The following MAMDC4 variants were observed in gnomAD, a reference collection of about 807,000 sequenced individuals.
MAMDC4 encodes MAM domain containing 4.
In MAMDC4, 168 loss-of-function variants were observed where a neutral mutation model predicts 153.3. The observed-to-expected ratio is 1.10, with a 90% CI of 0.97 to 1.25. The LOEUF is 1.25. MAMDC4 is among the 50% of genes most tolerant of loss of function. The probability of loss-of-function intolerance (pLI) is 0.00; values close to 1 mark genes in which losing one functional copy is unlikely to be tolerated. For synonymous variants in MAMDC4, 744 were observed against 651.5 expected, an observed-to-expected ratio of 1.14 and a Z score of -2.16; for missense variants, 1,701 against 1,542.8, an observed-to-expected ratio of 1.10 and a Z score of -1.72.
In MAMDC4 at chr9:136,856,045, G is replaced by A. The variant is rs766739438; in HGVS notation, c.1616G>A (p.Trp539Ter). The change falls in exon 14 of 27, where the codon TGG becomes TAG. Residue 539 changes from tryptophan to a stop codon, truncating the protein, a stop_gained. Transcript: ENST00000317446. LOFTEE classifies it high-confidence loss of function. ...CACTTCCTGTCTCTGCAGCGGGCCT[G>A]GGGGCAGCTAGGCGCTGAGGCCCGG... ...AGHFLSLQRA[W>*]GQLGAEARVL... is the part of the protein sequence containing the mutation. 2.5e-6 allele frequency: 4 copies of A among 1,612,010 alleles called. No individual in the cohort carries two copies. In the South Asian group the frequency reaches 3.3e-5, roughly 13 times the overall value.
chr9:136,853,390 G>A lies in MAMDC4; in HGVS notation c.260G>A (p.Arg87Gln), dbSNP rs780100454. Reference protein sequence around the residue: ...DISTSGYSWLRDRAGAALEGP... With the variant: ...DISTSGYSWLQDRAGAALEGP... ...AGTACCTCAGGCTACAGCTGGCTCC[G>A]AGACAGGGCAGGGGCCGCACTGGAG... is the stretch of plus-strand genomic sequence containing the variant. The change falls in exon 3 of 27, where the codon CGA becomes CAA. Residue 87 changes from arginine (R) to glutamine (Q), a missense_variant. By Grantham distance (43) the Arg-to-Gln change is conservative. Coordinates refer to ENST00000317446, the MANE Select transcript of MAMDC4 (RefSeq NM_206920.3). The A allele has an allele frequency of 2.6e-5, 41 of 1,605,702 alleles. No homozygotes were observed. Among genetic ancestry groups the A allele is most frequent in the Admixed American group, 3.3e-5 (2 of 59,774 alleles).
At position 136,859,289 on chromosome 9, in the gene MAMDC4, G is replaced by C. The variant is rs1172686664; in HGVS notation, c.3165G>C (p.Gln1055His). Residue 1055 changes from glutamine to histidine, a missense_variant, in exon 25 of 27, where the codon CAG becomes CAC. Transcript: ENST00000317446. ...ALDDVEYLAG[Q>H]HCQQPAPSPG... ...ATGACGTGGAGTATCTGGCTGGGCA[G>C]CATTGCCAGCAGCCTGCCCCCAGCC... 6.2e-7 allele frequency: 1 copy of C among 1,611,524 alleles called. No individual in the cohort carries two copies. Among genetic ancestry groups the C allele is most frequent in the Non-Finnish European group, 8.5e-7 (1 of 1,179,364 alleles).
rs1279053707 is a variant in MAMDC4, at chr9:136,857,646, C to T, written c.2327-13C>T. On this transcript the variant is annotated splice_polypyrimidine_tract_variant and intron_variant, in intron 18 of 26. Coordinates refer to ENST00000317446, the MANE Select transcript of MAMDC4 (RefSeq NM_206920.3). ...CTGGCCAGGGGCTGGCAGGCTGATG[C>T]TGGCACCTCCAGGGCACTACATGGT... is the stretch of plus-strand genomic sequence containing the variant. 30 of 1,612,348 alleles carry T rather than the reference C, an allele frequency of 1.9e-5. No individual in the cohort carries two copies. The highest frequency in any genetic ancestry group is 2.5e-5 in the Non-Finnish European group (30 of 1,179,828).
Position 136,855,817 on chromosome 9 carries a change from G to A in MAMDC4, c.1557G>A (p.Gln519=), listed in dbSNP as rs1215382725. 2.0e-6 allele frequency: 3 copies of A among 1,531,736 alleles called. No individual in the cohort carries two copies. The African/African-American group carries it at 4.1e-5, about 21-fold the overall frequency. 94.9% of individuals were successfully genotyped at this position (1,531,736 alleles called of 1,614,324 possible). The change falls in exon 13 of 27, where the codon CAG becomes CAA. Residue 519 remains glutamine, a synonymous_variant. Transcript: ENST00000317446. The part of the protein sequence containing the change: ...GRLQWRRVSA[Q]ESQGSSAAAA... ...TGCAGTGGCGGCGTGTCTCAGCCCAGGAGAGCCAGGGGTCCAGTGCAGCTG... is the reference window on the plus strand; with the variant it reads ...TGCAGTGGCGGCGTGTCTCAGCCCAAGAGAGCCAGGGGTCCAGTGCAGCTG...
chr9:136,859,608 A>T, intron 25 of MAMDC4: 1 of 591,876 alleles, frequency 1.7e-6, no homozygotes. Flanking sequence ...TCCATCCTGG[A>T]GGAACCGCCA....
chr9:136,854,876 C>T lies in MAMDC4; in HGVS notation c.1023+26C>T, dbSNP rs1329276761. 2.5e-6 allele frequency: 4 copies of T among 1,612,472 alleles called. No individual in the cohort carries two copies. In the African/African-American group the frequency reaches 4.0e-5, roughly 16 times the overall value. On this transcript the variant is annotated intron_variant, in intron 9 of 26. Coordinates refer to ENST00000317446, the MANE Select transcript of MAMDC4 (RefSeq NM_206920.3). ...GTGAGATGGGTGGGGCTCACAGGGCCTCCCTGCTCTCCGTGCTGGCTGCCC... is the reference window on the plus strand; with the variant it reads ...GTGAGATGGGTGGGGCTCACAGGGCTTCCCTGCTCTCCGTGCTGGCTGCCC...
In MAMDC4 at chr9:136,860,594, T is replaced by A. The variant is rs1183789116; in HGVS notation, c.3405T>A (p.Ser1135Arg). Reference sequence around the variant, plus strand: ...TCACCCTCCCGGCATCTGTCACCAGTGATCCGTAGACCACCCCAGACAAGG... The same window carrying A: ...TCACCCTCCCGGCATCTGTCACCAGAGATCCGTAGACCACCCCAGACAAGG... ...DGVTLPASVTSDP is the reference protein window; with the variant it reads ...DGVTLPASVTRDP The change falls in exon 27 of 27, where the codon AGT becomes AGA. Residue 1135 changes from serine (S) to arginine (R), a missense_variant. Coordinates refer to ENST00000317446, the MANE Select transcript of MAMDC4 (RefSeq NM_206920.3). 4 of 1,613,220 alleles carry A rather than the reference T, an allele frequency of 2.5e-6. No homozygotes were observed. The highest frequency in any genetic ancestry group is 2.5e-6 in the Non-Finnish European group (3 of 1,179,884).
In MAMDC4 at chr9:136,856,863, C is replaced by T. The variant is rs777122945; in HGVS notation, c.1837+37C>T. 40 of 1,612,232 alleles carry T rather than the reference C, an allele frequency of 2.5e-5. No individual in the cohort carries two copies. The Admixed American group carries it at 4.3e-4, about 17-fold the overall frequency. ...GCTCAGACCGGGGGTGGCTTTCAGACGAGAGTGGGGCATCTCTGCAGCACA... is the reference window on the plus strand; with the variant it reads ...GCTCAGACCGGGGGTGGCTTTCAGATGAGAGTGGGGCATCTCTGCAGCACA... On this transcript the variant is annotated intron_variant, in intron 15 of 26. Coordinates refer to ENST00000317446, the MANE Select transcript of MAMDC4 (RefSeq NM_206920.3).
At position 136,858,405 on chromosome 9, in the gene MAMDC4, T is replaced by C. The variant is rs374940023; in HGVS notation, c.2680T>C (p.Cys894Arg). Reference protein sequence around the residue: ...QDGPCPQPGSCDFESGLCGWS... With the variant: ...QDGPCPQPGSRDFESGLCGWS... Reference sequence around the variant, plus strand: ...CACCCACCCATGTCCTGCAGGTTCCTGTGATTTTGAGTCTGGCCTGTGTGG... The same window carrying C: ...CACCCACCCATGTCCTGCAGGTTCCCGTGATTTTGAGTCTGGCCTGTGTGG... Residue 894 changes from cysteine to arginine, a missense_variant, in exon 22 of 27, where the codon TGT (cysteine) becomes CGT (arginine). By Grantham distance (180) the Cys-to-Arg change is radical. Coordinates refer to ENST00000317446, the MANE Select transcript of MAMDC4 (RefSeq NM_206920.3). 6.2e-7 allele frequency: 1 copy of C among 1,602,692 alleles called. No individual in the cohort carries two copies.
rs1479271008 is a variant in MAMDC4, at chr9:136,857,241, C to A, written c.2049C>A (p.Arg683=). 1.2e-6 allele frequency: 2 copies of A among 1,607,550 alleles called. No individual in the cohort carries two copies. The highest frequency in any genetic ancestry group is 4.5e-5 in the East Asian group (2 of 44,616). The change falls in exon 17 of 27, where the codon CGC becomes CGA. Residue 683 remains arginine, a synonymous_variant. Coordinates refer to ENST00000317446, the MANE Select transcript of MAMDC4 (RefSeq NM_206920.3). ...LWSRSGTQGN[R]WHEAWATLSH... ...CGCGGTCAGGCACCCAGGGCAACCG[C>A]TGGCACGAGGCCTGGGCCACCCTTT...
chr9:136,855,449 C>G lies in MAMDC4; in HGVS notation c.1301C>G (p.Pro434Arg). ...RPVSEVSTLQPLPPGPRAPAP... is the reference protein window; with the variant it reads ...RPVSEVSTLQRLPPGPRAPAP... ...CCCACAGAGGTGTCCACCCTGCAGC[C>G]GCTGCCTCCTGGGCCCCGGGCCCCA... Residue 434 changes from proline to arginine, a missense_variant, in exon 12 of 27, where the codon CCG becomes CGG. Pro to Arg is a moderately radical substitution (Grantham distance 103). Transcript: ENST00000317446. 1 of 1,609,556 alleles carries G rather than the reference C, an allele frequency of 6.2e-7. No individual in the cohort carries two copies. Among genetic ancestry groups the G allele is most frequent in the Non-Finnish European group, 8.5e-7 (1 of 1,178,518 alleles).
Position 136,856,778 on chromosome 9 carries a change from C to T in MAMDC4, c.1789C>T (p.Arg597Cys), listed in dbSNP as rs570366818. ...AGGCCACCTCTCAGACACACACTGG[C>T]GCTGGGTGGAGAGCCGCGGCCCTGA... is the stretch of plus-strand genomic sequence containing the variant. ...YPGHLSDTHW[R>C]WVESRGPDHD... The change falls in exon 15 of 27, where the codon CGC becomes TGC. Residue 597 changes from arginine (R) to cysteine (C), a missense_variant. Arg to Cys is a radical substitution (Grantham distance 180, BLOSUM62 -3). Coordinates refer to ENST00000317446, the MANE Select transcript of MAMDC4 (RefSeq NM_206920.3). 5.0e-6 allele frequency: 8 copies of T among 1,611,766 alleles called. No homozygotes were observed. Among genetic ancestry groups the T allele is most frequent in the African/African-American group, 1.3e-5 (1 of 75,012 alleles).
chr9:136,856,889 GC>G lies in MAMDC4; in HGVS notation c.1838-14del. The G allele has an allele frequency of 6.2e-7, 1 of 1,610,220 alleles. No individual in the cohort carries two copies. The highest frequency in any genetic ancestry group is 8.5e-7 in the Non-Finnish European group (1 of 1,177,948). Reference sequence around the variant, plus strand: ...GAGAGTGGGGCATCTCTGCAGCACAGCCCCATGCCCCCTGCAGGCCACTTTG... The same window carrying G: ...GAGAGTGGGGCATCTCTGCAGCACAGCCCATGCCCCCTGCAGGCCACTTTG... On this transcript the variant is annotated splice_polypyrimidine_tract_variant and intron_variant, in intron 15 of 26. Coordinates refer to ENST00000317446, the MANE Select transcript of MAMDC4 (RefSeq NM_206920.3).
chr9:136,858,910 G>GC lies in MAMDC4; in HGVS notation c.2956+58dup. ...CAACGGGGGCAGCAGGGGTCCAGGAGCAGAGGTGGGGAGGTGGCCTCCCCA... is the reference window on the plus strand; with the variant it reads ...CAACGGGGGCAGCAGGGGTCCAGGAGCCAGAGGTGGGGAGGTGGCCTCCCCA... On this transcript the variant is annotated intron_variant, in intron 23 of 26. Coordinates refer to ENST00000317446, the MANE Select transcript of MAMDC4 (RefSeq NM_206920.3). 4 of 1,566,454 alleles carry GC rather than the reference G, an allele frequency of 2.6e-6. No individual in the cohort carries two copies. In the South Asian group the frequency reaches 4.7e-5, roughly 18 times the overall value.
In MAMDC4 at chr9:136,860,689, A is replaced by G. The variant is rs577159991; in HGVS notation, c.*86A>G. On this transcript the variant is annotated 3_prime_UTR_variant, in exon 27 of 27. Transcript: ENST00000317446. Reference sequence around the variant, plus strand: ...CAGGGACCGGACACCTGCCCCGCCCAGGCTGGGACAGGCTGCAGGTCTCAG... The same window carrying G: ...CAGGGACCGGACACCTGCCCCGCCCGGGCTGGGACAGGCTGCAGGTCTCAG... The G allele has an allele frequency of 7.8e-6, 11 of 1,413,134 alleles. No individual in the cohort carries two copies. In the East Asian group the frequency reaches 1.4e-4, roughly 18 times the overall value. 87.5% of individuals were successfully genotyped at this position (1,413,134 alleles called of 1,614,324 possible). A position where few individuals can be genotyped will look rare whatever the true frequency, so the allele number is the denominator to read the frequency against.
At chr9:136,854,112 G>C (rs887410763) in intron 6 of MAMDC4, 36 bp downstream of exon 6, 27 of 1,611,124 alleles carry the variant, frequency 1.7e-5, no homozygotes, top group Non-Finnish European at 2.3e-5. Flanking sequence ...ACCCCCGGGA[G>C]GGCCCCCACC....
At chr9:136,853,517 C>T in intron 3 of MAMDC4, 28 bp from the exon 4 acceptor site, 1 of 1,612,452 alleles carries the variant, frequency 6.2e-7, no homozygotes, top group South Asian at 1.1e-5. Context: ...GCTCCCTGCC[C>T]CGTCTCCTGA....
At chr9:136,859,864 C>A (rs772654012) in intron 25 of MAMDC4, 22 bp from the exon 26 acceptor site, 1 of 1,610,756 alleles carries the variant, frequency 6.2e-7, no homozygotes, top group Admixed American at 1.7e-5. Flanking sequence ...TTGGAGGGCT[C>A]ACATGTCCCT....
intron 25 of MAMDC4, 162 bp from the exon 26 acceptor site, chr9:136,859,723 AG>A (rs1284147066): frequency 2.9e-6 from 2 of 691,998 alleles, no homozygotes; most frequent in African/African-American, 3.6e-5. Flanking sequence ...CCTGTCTGCC[AG>A]GCCCCATCCT....
Sources: gnomAD v4.1 joint callset for allele counts on GRCh38, gnomAD v4.1.1 for gene constraint, MANE v1.5 for transcripts, NCBI Gene and HGNC (gene_info 2026-07-23, HGNC 2026-07-21) for gene names.